The following SYT2 variants were observed in gnomAD, a reference collection of about 807,000 sequenced individuals.
The protein encoded by SYT2 is synaptotagmin 2, also known as synaptotagmin-2.
SYT2 carries 15 observed loss-of-function variants against 39.9 expected under a neutral mutation model. The observed-to-expected ratio is 0.38, with a 90% confidence interval of 0.25 to 0.58. The LOEUF (loss-of-function observed/expected upper bound fraction) is 0.58. Among genes scored for constraint, SYT2 ranks in the 20% least tolerant of loss-of-function variants. The pLI is 0.70. For missense variants in SYT2, 389 were observed against 530.3 expected, an observed-to-expected ratio of 0.73 and a Z score of 2.62; for synonymous variants, 181 against 204.5, an observed-to-expected ratio of 0.89 and a Z score of 0.98.
chr1:202,630,561 G>A (rs1691556034), intron 1 of SYT2: 1 of 181,996 alleles, frequency 5.5e-6, no homozygotes, highest in African/African-American at 2.4e-5. Context: ...CTGGGTGGGT[G>A]TCTGACAAAC....
At chr1:202,687,136 A>G (rs930659529) in intron 1 of SYT2, among the ~76,000 whole-genome samples, 1 of 152,134 alleles carries the variant, frequency 6.6e-6, no homozygotes, top group African/African-American at 2.4e-5. Context: ...CTGCCCTCCC[A>G]GTGTGTACTC....
chr1:202,699,893 G>A lies in SYT2; in HGVS notation c.-18+10365C>T, dbSNP rs367553349. ...GTTGATTGCTTGCCATGTATTCTTTGAGAAGTCACATTCCCTCTCTGGGCC... is the reference window on the plus strand; with the variant it reads ...GTTGATTGCTTGCCATGTATTCTTTAAGAAGTCACATTCCCTCTCTGGGCC... On this transcript the variant is annotated intron_variant, in intron 1 of 8. Coordinates refer to ENST00000367268, the MANE Select transcript of SYT2 (RefSeq NM_177402.5). Among the ~76,000 whole-genome samples, 11 of 152,096 alleles carry A rather than the reference G, an allele frequency of 7.2e-5. No individual in the cohort carries two copies. The East Asian group carries it at 1.7e-3, about 24-fold the overall frequency.
chr1:202,618,759 G>A (rs1691120757), intron 1 of SYT2, among the ~76,000 whole-genome samples: 1 of 152,094 alleles, frequency 6.6e-6, no homozygotes, highest in Non-Finnish European at 1.5e-5. Flanking sequence ...GCTGCCCTTC[G>A]GTTGCATTTC....
At chr1:202,681,446 T>C (rs1426393395) in intron 1 of SYT2, among the ~76,000 whole-genome samples, 1 of 152,210 alleles carries the variant, frequency 6.6e-6, no homozygotes, top group East Asian at 1.9e-4. Context: ...TCTCCTGCCA[T>C]GGCCCCGCTG....
At chr1:202,679,637 C>CT (rs1653475896) in intron 1 of SYT2, among the ~76,000 whole-genome samples, 1 of 152,132 alleles carries the variant, frequency 6.6e-6, no homozygotes, top group Non-Finnish European at 1.5e-5. Flanking sequence ...CAATTACCTC[C>CT]TAACTACTTT....
At chr1:202,634,604 G>C (rs1691693091) in intron 1 of SYT2, among the ~76,000 whole-genome samples, 1 of 152,146 alleles carries the variant, frequency 6.6e-6, no homozygotes. Context: ...GCATTATTCA[G>C]AGTAGCTGAA....
chr1:202,702,914 C>T (rs994932381), intron 1 of SYT2, among the ~76,000 whole-genome samples: 2 of 152,232 alleles, frequency 1.3e-5, no homozygotes, highest in Admixed American at 1.3e-4. Flanking sequence ...CCAGGCCCCC[C>T]TCCTTGCGGC....
chr1:202,697,516 A>AC (rs779477601), intron 1 of SYT2, among the ~76,000 whole-genome samples: 1 of 152,224 alleles, frequency 6.6e-6, no homozygotes, highest in Non-Finnish European at 1.5e-5. Context: ...TGCGAACCTC[A>AC]CGCAAGAAGG....
chr1:202,669,187 T>C (rs1692536229), intron 1 of SYT2, among the ~76,000 whole-genome samples: 2 of 152,222 alleles, frequency 1.3e-5, no homozygotes, highest in Non-Finnish European at 2.9e-5. Flanking sequence ...TTGCATTAAA[T>C]TGTGCACTAA....
At chr1:202,653,045 C>T (rs1427129871) in intron 1 of SYT2, among the ~76,000 whole-genome samples, 1 of 151,460 alleles carries the variant, frequency 6.6e-6, no homozygotes, top group African/African-American at 2.4e-5. Context: ...GAATGCCCCT[C>T]CCTGATGGTG....
At chr1:202,666,572 G>C (rs1230989831) in intron 1 of SYT2, among the ~76,000 whole-genome samples, 1 of 152,204 alleles carries the variant, frequency 6.6e-6, no homozygotes, top group Non-Finnish European at 1.5e-5. Flanking sequence ...GTATGTCACA[G>C]ACGCAGCCCA....
At chr1:202,660,082 G>C (rs1366534394) in intron 1 of SYT2, among the ~76,000 whole-genome samples, 1 of 152,166 alleles carries the variant, frequency 6.6e-6, no homozygotes. Flanking sequence ...AATGCCCATT[G>C]CCAGTTGAGG....
At chr1:202,652,011 T>A (rs1692203967) in intron 1 of SYT2, among the ~76,000 whole-genome samples, 1 of 152,216 alleles carries the variant, frequency 6.6e-6, no homozygotes, top group Non-Finnish European at 1.5e-5. Context: ...TGAGCCGAGA[T>A]CCCGCCCCTG....
intron 1 of SYT2, among the ~76,000 whole-genome samples, chr1:202,646,009 C>T (rs1215870180): frequency 6.6e-6 from 1 of 152,254 alleles, no homozygotes; most frequent in Non-Finnish European, 1.5e-5. Flanking sequence ...CACTGAGGCA[C>T]AGGGAGCCCC....
chr1:202,656,581 C>T (rs1692280341), intron 1 of SYT2, among the ~76,000 whole-genome samples: 1 of 152,164 alleles, frequency 6.6e-6, no homozygotes, highest in Non-Finnish European at 1.5e-5. Context: ...TCTATAAAAG[C>T]AGGAAATAAT....
intron 1 of SYT2, among the ~76,000 whole-genome samples, chr1:202,610,600 A>C (rs978695017): frequency 1.6e-4 from 24 of 152,232 alleles, no homozygotes; most frequent in Non-Finnish European, 3.1e-4. Flanking sequence ...AAATCTCCTT[A>C]AGCTGATAGG....
chr1:202,708,645 C>T (rs571518078), intron 1 of SYT2, among the ~76,000 whole-genome samples: 1 of 152,048 alleles, frequency 6.6e-6, no homozygotes, highest in Non-Finnish European at 1.5e-5. Flanking sequence ...TGGCGTGGAC[C>T]CCTGACGCTG....
At position 202,596,041 on chromosome 1, in the gene SYT2, T is replaced by C. The variant is rs1471918958; in HGVS notation, c.*716A>G. On this transcript the variant is annotated 3_prime_UTR_variant, in exon 9 of 9. Transcript: ENST00000367268. ...TCTTCACATCTTGCTGCCTCCCAAA[T>C]AGCCACCAACAGGAGTATGAAAGCC... The C allele has an allele frequency of 6.6e-6, 1 of 152,102 alleles. No homozygotes were observed. The highest frequency in any genetic ancestry group is 1.5e-5 in the Non-Finnish European group (1 of 68,022). The allele number at this position is 152,102 out of a possible 1,614,324, so 9.4% of individuals were successfully genotyped here.
intron 3 of SYT2, 145 bp from the exon 4 acceptor site, chr1:202,603,263 C>G: frequency 8.5e-7 from 1 of 1,179,718 alleles, no homozygotes; most frequent in Non-Finnish European, 1.2e-6. Context: ...GGGAACGTGG[C>G]CCTGCCATGG....
Sources: allele counts gnomAD v4.1 joint callset (sites outside exome capture counted in the v4.1 genomes callset), GRCh38; gene constraint gnomAD v4.1.1; transcripts MANE v1.5; gene names NCBI Gene and HGNC (gene_info 2026-07-23, HGNC 2026-07-21).